Variants in EPHA6 observed in about 807,000 individuals in gnomAD.
The protein encoded by EPHA6 is EPH receptor A6, also known as ephrin type-A receptor 6.
EPHA6 carries 50 observed loss-of-function variants against 112.0 expected under a neutral mutation model. That is an observed-to-expected ratio of 0.45 (90% CI 0.36 to 0.56). EPHA6 has a LOEUF of 0.56. Among genes scored for constraint, EPHA6 ranks in the 20% least tolerant of loss-of-function variants. The pLI, the probability that EPHA6 is intolerant of heterozygous loss-of-function variation, is 0.00. For missense variants in EPHA6, 1,280 were observed against 1,417.4 expected (o/e 0.90, Z 1.56); for synonymous variants, 529 against 490.7 (o/e 1.08, Z -1.03).
chr3:97,502,677 C>CA (rs1479163577), intron 10 of EPHA6, among the ~76,000 whole-genome samples: 2 of 150,248 alleles, frequency 1.3e-5, no homozygotes, highest in East Asian at 2.0e-4. Flanking sequence ...TACTAAAATA[C>CA]AAAAAAATTA....
chr3:97,688,940 T>C (rs2032457646), intron 14 of EPHA6, among the ~76,000 whole-genome samples: 1 of 152,208 alleles, frequency 6.6e-6, no homozygotes, highest in Non-Finnish European at 1.5e-5. Flanking sequence ...TTTTTATTAT[T>C]CATTGAGTAA....
At chr3:97,345,591 G>A (rs2083493968) in intron 5 of EPHA6, among the ~76,000 whole-genome samples, 1 of 152,096 alleles carries the variant, frequency 6.6e-6, no homozygotes, top group Admixed American at 6.6e-5. Flanking sequence ...ACTGGTGGTT[G>A]ACAAGATATT....
At chr3:97,517,938 G>A (rs1232303789) in intron 10 of EPHA6, among the ~76,000 whole-genome samples, 1 of 152,088 alleles carries the variant, frequency 6.6e-6, no homozygotes, top group Non-Finnish European at 1.5e-5. Context: ...TTTTCTTAAG[G>A]AGAATAGTAC....
intron 10 of EPHA6, among the ~76,000 whole-genome samples, chr3:97,523,035 C>A (rs929879214): frequency 6.6e-6 from 1 of 151,998 alleles, no homozygotes; most frequent in African/African-American, 2.4e-5. Context: ...TTATTTACTT[C>A]TATTCTGATC....
chr3:97,291,707 T>C lies in EPHA6; in HGVS notation c.1606+47420T>C, dbSNP rs370934771. Reference sequence around the variant, plus strand: ...ATGTATCTGAGTCCTCCAGTGTGGGTACATATATATTTAGAATTGGTATGT... The same window carrying C: ...ATGTATCTGAGTCCTCCAGTGTGGGCACATATATATTTAGAATTGGTATGT... On this transcript the variant is annotated intron_variant, in intron 5 of 17. Coordinates refer to ENST00000389672, the MANE Select transcript of EPHA6 (RefSeq NM_001080448.3). Among the ~76,000 whole-genome samples the C allele has an allele frequency of 7.4e-4, 113 of 152,354 alleles. 1 individual carries two copies. Among genetic ancestry groups the C allele is most frequent in the African/African-American group, 2.7e-3 (111 of 41,580 alleles).
At chr3:97,524,987 G>A (rs1436491180) in intron 10 of EPHA6, among the ~76,000 whole-genome samples, 11 of 152,104 alleles carry the variant, frequency 7.2e-5, no homozygotes, top group Non-Finnish European at 1.6e-4. Context: ...TATCTCTATT[G>A]AGTTTATCTT....
intron 5 of EPHA6, among the ~76,000 whole-genome samples, chr3:97,282,892 T>C (rs1230665001): frequency 1.3e-5 from 2 of 152,144 alleles, no homozygotes; most frequent in Non-Finnish European, 2.9e-5. Flanking sequence ...CAGGGCTTAA[T>C]ATCTAGGTGA....
At chr3:96,815,525 C>G (rs1050967163) in intron 1 of EPHA6, among the ~76,000 whole-genome samples, 1 of 152,072 alleles carries the variant, frequency 6.6e-6, no homozygotes, top group Non-Finnish European at 1.5e-5. Flanking sequence ...TCCAGGCCAC[C>G]GAAGTAGACT....
chr3:97,020,427 A>G (rs1026881873), intron 3 of EPHA6, among the ~76,000 whole-genome samples: 11 of 152,246 alleles, frequency 7.2e-5, no homozygotes, highest in African/African-American at 2.7e-4. Context: ...TAATATTTCT[A>G]GGGCAGTCCA....
intron 5 of EPHA6, among the ~76,000 whole-genome samples, chr3:97,287,470 C>CAA (rs5851060): frequency 7.1e-6 from 1 of 141,442 alleles, no homozygotes. Context: ...GTCTCAAAAA[C>CAA]AAAAAAAAAA....
intron 2 of EPHA6, among the ~76,000 whole-genome samples, chr3:96,909,573 T>C (rs1175443260): frequency 6.6e-6 from 1 of 152,000 alleles, no homozygotes; most frequent in Non-Finnish European, 1.5e-5. Context: ...AATTTATTTA[T>C]ACTTTACCTT....
chr3:96,902,345 A>T (rs1327953212), intron 2 of EPHA6, among the ~76,000 whole-genome samples: 3 of 152,180 alleles, frequency 2.0e-5, no homozygotes, highest in African/African-American at 4.8e-5. Context: ...TATTAGAATG[A>T]TGGAGGAGTA....
chr3:97,373,076 A>T (rs1212411714), intron 5 of EPHA6, among the ~76,000 whole-genome samples: 1 of 152,134 alleles, frequency 6.6e-6, no homozygotes, highest in Admixed American at 6.6e-5. Context: ...GGTACTTGAA[A>T]TTCTTTTCTT....
chr3:97,024,201 CT>C (rs140603445), intron 3 of EPHA6, among the ~76,000 whole-genome samples: 149 of 152,040 alleles, frequency 9.8e-4, no homozygotes, highest in Non-Finnish European at 1.8e-3. Context: ...TCAACCATAT[CT>C]TTTTTTCAAA....
intron 10 of EPHA6, among the ~76,000 whole-genome samples, chr3:97,530,348 A>T: frequency 6.6e-6 from 1 of 151,972 alleles, no homozygotes; most frequent in Non-Finnish European, 1.5e-5. Context: ...GAAAAGGAAA[A>T]ATCTTAGTAA....
At chr3:97,111,288 G>C (rs1420519084) in intron 3 of EPHA6, among the ~76,000 whole-genome samples, 1 of 152,098 alleles carries the variant, frequency 6.6e-6, no homozygotes, top group Non-Finnish European at 1.5e-5. Flanking sequence ...TATATCCACT[G>C]AATTGAGTTT....
At chr3:97,277,572 G>T (rs2080134645) in intron 5 of EPHA6, among the ~76,000 whole-genome samples, 1 of 152,112 alleles carries the variant, frequency 6.6e-6, no homozygotes, top group South Asian at 2.1e-4. Flanking sequence ...CTCCATATAG[G>T]TTATATGGTA....
At chr3:97,195,326 T>C (rs1191076598) in intron 3 of EPHA6, among the ~76,000 whole-genome samples, 1 of 152,042 alleles carries the variant, frequency 6.6e-6, no homozygotes, top group Non-Finnish European at 1.5e-5. Flanking sequence ...GATGACAACT[T>C]AACATTTTTT....
At chr3:97,591,743 A>G (rs954517937) in intron 11 of EPHA6, among the ~76,000 whole-genome samples, 1 of 152,116 alleles carries the variant, frequency 6.6e-6, no homozygotes, top group African/African-American at 2.4e-5. Flanking sequence ...AGAGTTTCTA[A>G]CTCATATTCA....
Sources: allele counts gnomAD v4.1 joint callset (sites outside exome capture counted in the v4.1 genomes callset), GRCh38; gene constraint gnomAD v4.1.1; transcripts MANE v1.5; gene names NCBI Gene and HGNC (gene_info 2026-07-23, HGNC 2026-07-21).